Variants in ARHGAP32 observed in about 807,000 individuals in gnomAD.
ARHGAP32 encodes rho GTPase-activating protein 32.
Under a neutral mutation model 186.5 loss-of-function variants are expected in ARHGAP32, and 51 were observed. The observed-to-expected ratio is 0.27, with a 90% confidence interval of 0.22 to 0.35. The LOEUF (loss-of-function observed/expected upper bound fraction) is 0.35. Among genes scored for constraint, ARHGAP32 ranks in the 10% least tolerant of loss-of-function variants. ARHGAP32 has a pLI of 1.00. For missense variants in ARHGAP32, 2,186 were observed against 2,623.5 expected (o/e 0.83, Z 3.64); for synonymous variants, 950 against 964.3 (o/e 0.99, Z 0.27).
At chr11:128,973,808 A>G in intron 21 of ARHGAP32, 1 of 517,312 alleles carries the variant, frequency 1.9e-6, no homozygotes, top group East Asian at 3.0e-5. Flanking sequence ...GGAAGGCTAC[A>G]ATAAAGATAT....
At chr11:129,263,490 C>T (rs982825810) in intron 1 of ARHGAP32, among the ~76,000 whole-genome samples, 1 of 151,260 alleles carries the variant, frequency 6.6e-6, no homozygotes, top group African/African-American at 2.4e-5. Context: ...CCATCACTAT[C>T]ATTAGGGAAA....
intron 11 of ARHGAP32, among the ~76,000 whole-genome samples, chr11:129,026,462 G>A (rs1372821117): frequency 2.0e-5 from 3 of 152,030 alleles, no homozygotes; most frequent in Non-Finnish European, 4.4e-5. Context: ...GAATTCACTG[G>A]AAAAGGAATG....
intron 1 of ARHGAP32, among the ~76,000 whole-genome samples, chr11:129,261,407 ATATT>A (rs1262671780): frequency 6.6e-6 from 1 of 152,188 alleles, no homozygotes; most frequent in African/African-American, 2.4e-5. Flanking sequence ...GAATATCATA[ATATT>A]TTACATACCA....
chr11:129,131,151 T>G (rs1441433456), intron 2 of ARHGAP32, among the ~76,000 whole-genome samples: 2 of 152,086 alleles, frequency 1.3e-5, no homozygotes, highest in African/African-American at 4.8e-5. Flanking sequence ...GAAATAAGTG[T>G]TACAACTGGC....
intron 1 of ARHGAP32, among the ~76,000 whole-genome samples, chr11:129,180,636 A>C (rs953640966): frequency 3.3e-5 from 5 of 152,130 alleles, no homozygotes; most frequent in Non-Finnish European, 7.4e-5. Flanking sequence ...CTCTTGTTCT[A>C]TGCTTTTAAA....
At chr11:129,246,343 G>C (rs1231872886) in intron 1 of ARHGAP32, among the ~76,000 whole-genome samples, 4 of 152,164 alleles carry the variant, frequency 2.6e-5, no homozygotes, top group Non-Finnish European at 4.4e-5. Flanking sequence ...AAGGGACTCA[G>C]TTAGAAAAAG....
At chr11:129,099,621 A>C (rs1179326328) in intron 5 of ARHGAP32, among the ~76,000 whole-genome samples, 1 of 152,216 alleles carries the variant, frequency 6.6e-6, no homozygotes, top group Non-Finnish European at 1.5e-5. Flanking sequence ...TGCAAATTGA[A>C]ACCAAAAGAG....
In ARHGAP32 at chr11:129,249,996, T is replaced by C. The variant is rs185058708; in HGVS notation, c.-5+29150A>G. Among the ~76,000 whole-genome samples the C allele has an allele frequency of 3.9e-3, 590 of 151,900 alleles. 5 individuals carry two copies. The highest frequency in any genetic ancestry group is 0.014 in the African/African-American group (570 of 41,414). On this transcript the variant is annotated intron_variant, in intron 1 of 6. Coordinates refer to the ARHGAP32 transcript ENST00000525234. ...AGGAGGCTGATGCGGGAGGACCACT[T>C]GAGCCCAGGAGTTCTAGGACCAACC...
At chr11:129,051,122 T>G (rs1392757754) in intron 10 of ARHGAP32, among the ~76,000 whole-genome samples, 1 of 152,238 alleles carries the variant, frequency 6.6e-6, no homozygotes, top group Non-Finnish European at 1.5e-5. Context: ...TGTGTCTTTA[T>G]AGTAGAATAA....
intron 1 of ARHGAP32, among the ~76,000 whole-genome samples, chr11:129,224,140 C>T (rs1279492737): frequency 1.3e-5 from 2 of 152,170 alleles, no homozygotes; most frequent in Non-Finnish European, 2.9e-5. Context: ...GTAAAGACAA[C>T]AGATGTCAGC....
intron 1 of ARHGAP32, among the ~76,000 whole-genome samples, chr11:129,186,584 G>A (rs1486770040): frequency 6.6e-6 from 1 of 152,084 alleles, no homozygotes; most frequent in Non-Finnish European, 1.5e-5. Flanking sequence ...ACAAAGTGAA[G>A]AGACAACCCA....
At chr11:129,053,899 GATTCTAGGAT>G (rs1940150684) in intron 10 of ARHGAP32, among the ~76,000 whole-genome samples, 1 of 152,026 alleles carries the variant, frequency 6.6e-6, no homozygotes, top group Non-Finnish European at 1.5e-5. Context: ...TGCAGCTTTG[GATTCTAGGAT>G]ATTACATGAA....
chr11:129,270,105 G>A (rs1945456046), intron 1 of ARHGAP32, among the ~76,000 whole-genome samples: 1 of 150,304 alleles, frequency 6.7e-6, no homozygotes, highest in Admixed American at 6.6e-5. Context: ...CAAAACTTAG[G>A]AGCAACTAGG....
chr11:129,102,490 T>G (rs572522766), intron 5 of ARHGAP32, among the ~76,000 whole-genome samples: 1 of 152,228 alleles, frequency 6.6e-6, no homozygotes, highest in South Asian at 2.1e-4. Flanking sequence ...AGGTTCAAAA[T>G]GAGGGAACTT....
At chr11:129,144,815 GC>G (rs1476154825) in intron 2 of ARHGAP32, among the ~76,000 whole-genome samples, 1 of 152,156 alleles carries the variant, frequency 6.6e-6, no homozygotes, top group Non-Finnish European at 1.5e-5. Context: ...CAAGGGTGTT[GC>G]CTTAAACTTC....
intron 21 of ARHGAP32, chr11:128,973,670 TG>T (rs201292194): frequency 1.1e-5 from 6 of 558,994 alleles, no homozygotes; most frequent in African/African-American, 5.6e-5. Flanking sequence ...GTTACAGAGA[TG>T]GGGGGGAAAA....
At chr11:129,099,873 A>C (rs1941842254) in intron 5 of ARHGAP32, among the ~76,000 whole-genome samples, 1 of 151,932 alleles carries the variant, frequency 6.6e-6, no homozygotes, top group African/African-American at 2.4e-5. Flanking sequence ...AGTGTACACA[A>C]GGAAGACACA....
At position 129,244,384 on chromosome 11, in the gene ARHGAP32, T is replaced by C. The variant is rs115120843; in HGVS notation, c.-5+34762A>G. Among the ~76,000 whole-genome samples, 188 of 152,330 alleles carry C rather than the reference T, an allele frequency of 1.2e-3. 1 individual carries two copies. Among genetic ancestry groups the C allele is most frequent in the African/African-American group, 4.1e-3 (171 of 41,582 alleles). ...CACTATTTCTTTAGACTCTAAAAAT[T>C]ATAACATTCAGTCAAATAGTATGGA... On this transcript the variant is annotated intron_variant, in intron 1 of 6. Transcript: ENST00000525234.
rs567591858 is a variant in ARHGAP32 at position 129,141,322 on chromosome 11, C to A, written c.226-16428G>T. On this transcript the variant is annotated intron_variant, in intron 2 of 22. Coordinates refer to ENST00000682385, the MANE Select transcript of ARHGAP32 (RefSeq NM_001378024.1). ...AAGGATGAGTTCATGTCCTTTGTAG[C>A]GACATGGATGAAGCTGGAAACCATG... is the stretch of plus-strand genomic sequence containing the variant. Among the ~76,000 whole-genome samples, 7 of 152,106 alleles carry A rather than the reference C, an allele frequency of 4.6e-5. No homozygotes were observed. In the South Asian group the frequency reaches 1.2e-3, roughly 27 times the overall value.
Sources: gnomAD v4.1 joint callset for allele counts (sites outside exome capture counted in the v4.1 genomes callset) on GRCh38, gnomAD v4.1.1 for gene constraint, MANE v1.5 for transcripts, NCBI Gene and HGNC (gene_info 2026-07-23, HGNC 2026-07-21) for gene names.